The following RTL4 variants were observed in gnomAD, a reference collection of about 807,000 sequenced individuals.
The protein encoded by RTL4 is retrotransposon Gag-like protein 4.
A neutral mutation model predicts 5.3 loss-of-function variants in RTL4; 4 were observed. The ratio of observed to expected loss-of-function variants is 0.75; its 90% CI spans 0.37 to 1.72. RTL4 has a LOEUF of 1.72. RTL4 is among the 40% of genes most tolerant of loss of function. The pLI is 0.04. For missense variants in RTL4, 260 were observed against 227.1 expected, an observed-to-expected ratio of 1.14 and a Z score of -0.93; for synonymous variants, 98 against 87.3, an observed-to-expected ratio of 1.12 and a Z score of -0.68.
At chrX:112,159,854 C>A in the RTL4 span, among the ~76,000 whole-genome samples, 4 of 110,806 alleles carry the variant, frequency 3.6e-5, no homozygotes, top group East Asian at 1.1e-3. Flanking sequence ...CTCTGTTTTT[C>A]TCCACACTTG....
chrX:112,263,806 T>C, the RTL4 span, among the ~76,000 whole-genome samples: 1 of 111,748 alleles, frequency 8.9e-6, no homozygotes, highest in Non-Finnish European at 1.9e-5. Flanking sequence ...TGGGTGGTGA[T>C]GGATGTATTA....
At chrX:112,318,635 C>T in the RTL4 span, among the ~76,000 whole-genome samples, 1 of 111,896 alleles carries the variant, frequency 8.9e-6, no homozygotes, top group Non-Finnish European at 1.9e-5. Context: ...ACTACCTATA[C>T]TGAAGCTTCT....
At chrX:112,149,309 T>C in the RTL4 span, among the ~76,000 whole-genome samples, 1 of 111,326 alleles carries the variant, frequency 9.0e-6, no homozygotes, top group Admixed American at 9.6e-5. Context: ...TAAAATATAT[T>C]ATTATATGTG....
the RTL4 span, among the ~76,000 whole-genome samples, chrX:112,355,078 T>C: frequency 8.9e-6 from 1 of 111,732 alleles, no homozygotes; most frequent in Non-Finnish European, 1.9e-5. Flanking sequence ...ACTGGTTTGT[T>C]CCTTTTCTTC....
the RTL4 span, among the ~76,000 whole-genome samples, chrX:112,180,294 C>T: frequency 2.7e-5 from 3 of 111,229 alleles, no homozygotes; most frequent in Non-Finnish European, 5.7e-5. Context: ...TGTAAAAATC[C>T]AAGAGTCAAA....
At chrX:112,253,913 T>C in the RTL4 span, among the ~76,000 whole-genome samples, 2 of 111,938 alleles carry the variant, frequency 1.8e-5, no homozygotes, top group Non-Finnish European at 3.8e-5. Context: ...CAATCTTTAA[T>C]GCCTCCTCTT....
At chrX:112,131,252 G>A in the RTL4 span, among the ~76,000 whole-genome samples, 1 of 107,896 alleles carries the variant, frequency 9.3e-6, no homozygotes, top group Admixed American at 9.9e-5. Context: ...TGCTTTAAAG[G>A]AGACTTTTAA....
chrX:112,388,783 G>A, the RTL4 span, among the ~76,000 whole-genome samples: 1 of 111,934 alleles, frequency 8.9e-6, no homozygotes, highest in African/African-American at 3.2e-5. Context: ...TGGTGGAATA[G>A]CTTTTCGATG....
the RTL4 span, among the ~76,000 whole-genome samples, chrX:112,347,511 C>A: frequency 2.3e-3 from 258 of 110,999 alleles, 1 homozygote; most frequent in Middle Eastern, 9.2e-3. Flanking sequence ...AAGGTTCAAG[C>A]CTAGAGAAAA....
At chrX:112,311,026 G>C in the RTL4 span, among the ~76,000 whole-genome samples, 6 of 106,646 alleles carry the variant, frequency 5.6e-5, no homozygotes, top group East Asian at 1.7e-3. Flanking sequence ...GGGGGAACTT[G>C]AGATGAAGTT....
At chrX:112,182,521 G>A in the RTL4 span, among the ~76,000 whole-genome samples, 1 of 111,800 alleles carries the variant, frequency 8.9e-6, no homozygotes, top group Admixed American at 9.5e-5. Context: ...AACACAGCAT[G>A]AGAACTTCAT....
At chrX:112,181,144 C>A in the RTL4 span, among the ~76,000 whole-genome samples, 1 of 111,888 alleles carries the variant, frequency 8.9e-6, no homozygotes, top group African/African-American at 3.3e-5. Context: ...CGGTGCCTTC[C>A]TGCCCAGATA....
the RTL4 span, among the ~76,000 whole-genome samples, chrX:112,384,917 T>G: frequency 9.0e-6 from 1 of 111,280 alleles, no homozygotes; most frequent in Non-Finnish European, 1.9e-5. Flanking sequence ...CTTGAAGAAA[T>G]CCTTCACATC....
At chrX:112,421,312 T>G in the RTL4 span, among the ~76,000 whole-genome samples, 2 of 111,678 alleles carry the variant, frequency 1.8e-5, no homozygotes, top group African/African-American at 6.5e-5. Flanking sequence ...TAGGATAATT[T>G]GTACAAATGT....
the RTL4 span, among the ~76,000 whole-genome samples, chrX:112,134,891 T>C: frequency 8.9e-6 from 1 of 112,285 alleles, no homozygotes; most frequent in African/African-American, 3.2e-5. Context: ...CAACAACTTA[T>C]TCCTTTTCAT....
At chrX:112,240,022 T>A in the RTL4 span, among the ~76,000 whole-genome samples, 2 of 112,233 alleles carry the variant, frequency 1.8e-5, no homozygotes, top group Non-Finnish European at 3.8e-5. Context: ...ATTATCTGGA[T>A]TTTAAGGTAG....
the RTL4 span, chrX:112,382,197 C>T: frequency 8.4e-7 from 1 of 1,185,995 alleles, no homozygotes; most frequent in Non-Finnish European, 1.1e-6. Flanking sequence ...TTCCCCAAGG[C>T]ACCAAATCAA....
the RTL4 span, among the ~76,000 whole-genome samples, chrX:112,210,944 A>T: frequency 4.4e-5 from 5 of 112,596 alleles, no homozygotes; most frequent in Non-Finnish European, 9.4e-5. Context: ...AATAGAATCC[A>T]GTAATAGGAA....
chrX:112,332,298 G>A, the RTL4 span, among the ~76,000 whole-genome samples: 1 of 110,672 alleles, frequency 9.0e-6, no homozygotes, highest in Non-Finnish European at 1.9e-5. Context: ...TCTAGAACTA[G>A]AAATACCATT....
Sources: gnomAD v4.1 joint callset for allele counts (sites outside exome capture counted in the v4.1 genomes callset) on GRCh38, gnomAD v4.1.1 for gene constraint, MANE v1.5 for transcripts, NCBI Gene and HGNC (gene_info 2026-07-23, HGNC 2026-07-21) for gene names.